Variants in CTXND1 observed in about 807,000 individuals in gnomAD.
CTXND1 encodes the protein cortexin domain-containing 1 protein.
At chr15:80,204,672 T>TATATATATATATATATAC (rs898718335) in intron 1 of CTXND1, among the ~76,000 whole-genome samples, 1 of 124,836 alleles carries the variant, frequency 8.0e-6, no homozygotes, top group South Asian at 2.4e-4. Context: ...TATATATATA[T>TATATATATATATATATAC]ACCACATTTT....
At chr15:80,207,636 A>G (rs1264452198) in intron 1 of CTXND1, among the ~76,000 whole-genome samples, 1 of 152,202 alleles carries the variant, frequency 6.6e-6, no homozygotes, top group Non-Finnish European at 1.5e-5. Flanking sequence ...CTGAGCACTG[A>G]TGTAAAACAT....
At chr15:80,204,164 AAAAAAATATATATAT>A (rs1893119034) in intron 1 of CTXND1, among the ~76,000 whole-genome samples, 1 of 29,710 alleles carries the variant, frequency 3.4e-5, no homozygotes, top group Non-Finnish European at 5.6e-5. Flanking sequence ...AAAAAAAAAA[AAAAAAATATATATAT>A]ATATATATAT....
chr15:80,252,050 C>G lies in CTXND1; in HGVS notation c.-261G>C, dbSNP rs1229340571. ...TGCGCTCCCGGGGTCCTGGCTGGGCCGGCGCCGAGCCCAGGGCGACCGCGG... is the reference window on the plus strand; with the variant it reads ...TGCGCTCCCGGGGTCCTGGCTGGGCGGGCGCCGAGCCCAGGGCGACCGCGG... On this transcript the variant is annotated 5_prime_UTR_variant, in exon 1 of 3. Coordinates refer to ENST00000560778, the MANE Select transcript of CTXND1 (RefSeq NM_001352888.2). 2 of 151,616 alleles carry G rather than the reference C, an allele frequency of 1.3e-5. No individual in the cohort carries two copies. Among genetic ancestry groups the G allele is most frequent in the Non-Finnish European group, 2.9e-5 (2 of 67,864 alleles). 9.4% of individuals were successfully genotyped at this position (151,616 alleles called of 1,614,324 possible).
chr15:80,228,860 C>T (rs1031051799), intron 1 of CTXND1, among the ~76,000 whole-genome samples: 7 of 152,084 alleles, frequency 4.6e-5, no homozygotes, highest in African/African-American at 1.7e-4. Context: ...GAACTCCTGA[C>T]CTCGTGATCC....
chr15:80,218,991 G>A (rs1893283912), intron 1 of CTXND1, among the ~76,000 whole-genome samples: 1 of 148,326 alleles, frequency 6.7e-6, no homozygotes, highest in African/African-American at 2.5e-5. Context: ...GGGTGCAGTG[G>A]TGTCATCATA....
chr15:80,251,738 C>T (rs1262241499), intron 1 of CTXND1, among the ~76,000 whole-genome samples: 1 of 152,070 alleles, frequency 6.6e-6, no homozygotes, highest in Non-Finnish European at 1.5e-5. Context: ...CGTGCGGCTC[C>T]CACCGAGGCT....
chr15:80,239,377 T>C (rs1427743273), intron 1 of CTXND1, among the ~76,000 whole-genome samples: 1 of 152,234 alleles, frequency 6.6e-6, no homozygotes, highest in Non-Finnish European at 1.5e-5. Flanking sequence ...CCTAGGTGTG[T>C]CTGTAAGGGT....
chr15:80,242,965 A>G (rs1893587549), intron 1 of CTXND1, among the ~76,000 whole-genome samples: 1 of 152,152 alleles, frequency 6.6e-6, no homozygotes, highest in African/African-American at 2.4e-5. Flanking sequence ...GAATTTCCAA[A>G]CTTTGTTGCA....
At chr15:80,248,918 G>A (rs963133762) in intron 1 of CTXND1, among the ~76,000 whole-genome samples, 22 of 151,876 alleles carry the variant, frequency 1.4e-4, no homozygotes, top group African/African-American at 5.1e-4. Flanking sequence ...TTGCAGGAGT[G>A]GCAGCACAGT....
chr15:80,238,755 G>T (rs1035725718), intron 1 of CTXND1, among the ~76,000 whole-genome samples: 1 of 152,078 alleles, frequency 6.6e-6, no homozygotes, highest in African/African-American at 2.4e-5. Flanking sequence ...GATTACAGGC[G>T]TGAGCCACCG....
chr15:80,231,963 C>T (rs181728222), intron 1 of CTXND1, among the ~76,000 whole-genome samples: 20 of 152,222 alleles, frequency 1.3e-4, no homozygotes, highest in Admixed American at 8.5e-4. Flanking sequence ...GTCCCAGGAA[C>T]CCAGGTCCCA....
chr15:80,233,626 G>T (rs1271811009), intron 1 of CTXND1, among the ~76,000 whole-genome samples: 1 of 152,142 alleles, frequency 6.6e-6, no homozygotes, highest in African/African-American at 2.4e-5. Context: ...TCAGAGGGCT[G>T]GGGGCTACAC....
At chr15:80,222,141 C>T (rs1364469589) in intron 1 of CTXND1, among the ~76,000 whole-genome samples, 1 of 152,042 alleles carries the variant, frequency 6.6e-6, no homozygotes, top group African/African-American at 2.4e-5. Context: ...TCCTCTATTT[C>T]TTCATGGCTA....
intron 1 of CTXND1, among the ~76,000 whole-genome samples, chr15:80,221,197 C>T (rs1567131113): frequency 1.3e-5 from 2 of 152,150 alleles, no homozygotes; most frequent in African/African-American, 4.8e-5. Flanking sequence ...GCGTGAGCCA[C>T]CACGCCCAGC....
intron 1 of CTXND1, among the ~76,000 whole-genome samples, chr15:80,226,897 G>A (rs1010567122): frequency 2.0e-5 from 3 of 152,176 alleles, no homozygotes; most frequent in African/African-American, 4.8e-5. Context: ...TCAGTGGGAT[G>A]TAAAGAGTGA....
At chr15:80,246,999 G>A (rs1893638757) in intron 1 of CTXND1, among the ~76,000 whole-genome samples, 1 of 152,154 alleles carries the variant, frequency 6.6e-6, no homozygotes. Flanking sequence ...AGTCTCCTCT[G>A]TCAGCCTGTC....
At chr15:80,250,333 G>T (rs1044062193) in intron 1 of CTXND1, among the ~76,000 whole-genome samples, 12 of 147,170 alleles carry the variant, frequency 8.2e-5, no homozygotes, top group Middle Eastern at 3.6e-3. Flanking sequence ...AGTTGAGCTA[G>T]TTTTTTTTTT....
At chr15:80,216,360 T>C (rs962086730) in intron 1 of CTXND1, among the ~76,000 whole-genome samples, 7 of 152,204 alleles carry the variant, frequency 4.6e-5, no homozygotes, top group African/African-American at 1.7e-4. Context: ...GCTCAAAGTT[T>C]TGCAAACTAG....
intron 1 of CTXND1, among the ~76,000 whole-genome samples, chr15:80,243,436 C>T (rs997495134): frequency 2.0e-5 from 3 of 152,170 alleles, no homozygotes; most frequent in Non-Finnish European, 4.4e-5. Context: ...GACGGCCACT[C>T]ACGGGGTGAG....
Sources: allele counts gnomAD v4.1 joint callset (sites outside exome capture counted in the v4.1 genomes callset), GRCh38; gene constraint gnomAD v4.1.1; transcripts MANE v1.5; gene names NCBI Gene and HGNC (gene_info 2026-07-23, HGNC 2026-07-21).